The following TREM2 variants were observed in gnomAD, a reference collection of about 807,000 sequenced individuals.
The protein encoded by TREM2 is triggering receptor expressed on myeloid cells 2, also known as triggering receptor expressed on monocytes 2.
TREM2 carries 20 observed loss-of-function variants against 22.9 expected under a neutral mutation model. The ratio of observed to expected loss-of-function variants is 0.87; its 90% CI spans 0.61 to 1.27. TREM2 has a LOEUF of 1.27. TREM2 is among the 50% of genes most tolerant of loss of function. The pLI, the probability that TREM2 is intolerant of heterozygous loss-of-function variation, is 0.00. For synonymous variants in TREM2, 111 were observed against 120.9 expected, an observed-to-expected ratio of 0.92 and a Z score of 0.54; for missense variants, 267 against 289.0, an observed-to-expected ratio of 0.92 and a Z score of 0.55.
chr6:41,159,169 A>C (rs970319095), intron 3 of TREM2, 103 bp from the exon 4 acceptor site: 2 of 1,410,406 alleles, frequency 1.4e-6, no homozygotes, highest in Non-Finnish European at 2.0e-6. Context: ...GACCTCAGCA[A>C]ATCCCACCCA....
chr6:41,162,826 G>A (rs1254789499), intron 1 of TREM2, among the ~76,000 whole-genome samples: 2 of 152,238 alleles, frequency 1.3e-5, no homozygotes, highest in East Asian at 3.9e-4. Context: ...ATGTCCACAT[G>A]CAGAAAGAGT....
At chr6:41,160,576 C>T (rs1253779732) in intron 2 of TREM2, among the ~76,000 whole-genome samples, 4 of 152,026 alleles carry the variant, frequency 2.6e-5, no homozygotes, top group Non-Finnish European at 4.4e-5. Context: ...AAAGGAGACA[C>T]CCTGGCCCAC....
Position 41,158,649 on chromosome 6 carries a change from A to G in TREM2, c.*115T>C, listed in dbSNP as rs1765478063. On this transcript the variant is annotated 3_prime_UTR_variant, in exon 5 of 5. Coordinates refer to ENST00000373113, the MANE Select transcript of TREM2 (RefSeq NM_018965.4). ...GGTCCAGGAGAAGCAGTGTTCAGGC[A>G]GAGTAGTCTCTTGCCAGAGCAGAAC... The G allele has an allele frequency of 1.2e-6, 2 of 1,604,082 alleles. No individual in the cohort carries two copies. Among genetic ancestry groups the G allele is most frequent in the Non-Finnish European group, 1.7e-6 (2 of 1,174,946 alleles).
intron 2 of TREM2, 50 bp downstream of exon 2, chr6:41,161,213 A>G: frequency 6.4e-7 from 1 of 1,564,802 alleles, no homozygotes; most frequent in South Asian, 1.1e-5. Flanking sequence ...CGCCCAAAAC[A>G]TGAGGCCTGG....
intron 2 of TREM2, 143 bp from the exon 3 acceptor site, chr6:41,160,025 C>T: frequency 1.5e-6 from 1 of 687,634 alleles, no homozygotes; most frequent in Non-Finnish European, 2.6e-6. Context: ...CCATAAGCCT[C>T]AGTTTCCCCA....
In TREM2 at chr6:41,161,505, C is replaced by T. The variant is rs549402254; in HGVS notation, c.149G>A (p.Trp50Ter). 3 of 1,614,208 alleles carry T rather than the reference C, an allele frequency of 1.9e-6. No individual in the cohort carries two copies. Among genetic ancestry groups the T allele is most frequent in the Admixed American group, 3.3e-5 (2 of 60,034 alleles). ...SMKHWGRRKAWCRQLGEKGPC... is the reference protein window; with the variant it reads ...SMKHWGRRKA ...GCCCTTCTCTCCCAGCTGGCGGCAC[C>T]AGGCCTTGCGCCTCCCCCAGTGCTT... is the stretch of plus-strand genomic sequence containing the variant. Residue 50 changes from tryptophan to a stop codon, truncating the protein, a stop_gained, in exon 2 of 5, where the codon TGG (tryptophan) becomes TAG (stop). Transcript: ENST00000373113. LOFTEE classifies it high-confidence loss of function.
At chr6:41,162,005 A>G (rs1035288861) in intron 1 of TREM2, among the ~76,000 whole-genome samples, 2 of 152,022 alleles carry the variant, frequency 1.3e-5, no homozygotes, top group Non-Finnish European at 2.9e-5. Flanking sequence ...AGCCGCCCAC[A>G]TTGGTACCGA....
At chr6:41,162,824 AT>A (rs1765601880) in intron 1 of TREM2, among the ~76,000 whole-genome samples, 4 of 152,068 alleles carry the variant, frequency 2.6e-5, no homozygotes. Context: ...ACATGTCCAC[AT>A]GCAGAAAGAG....
At chr6:41,160,147 C>A (rs927346537) in intron 2 of TREM2, among the ~76,000 whole-genome samples, 1 of 152,136 alleles carries the variant, frequency 6.6e-6, no homozygotes, top group African/African-American at 2.4e-5. Flanking sequence ...AACTGCAATG[C>A]CCCCCTCCTT....
chr6:41,159,762 A>T, intron 3 of TREM2, 30 bp downstream of exon 3: 29 of 1,609,670 alleles, frequency 1.8e-5, no homozygotes, highest in Non-Finnish European at 2.5e-5. Flanking sequence ...AAGTCTGCCC[A>T]CGGGTTTTAG....
Position 41,158,917 on chromosome 6 carries a change from A to C in TREM2, c.632T>G (p.Leu211Arg). ...ATACCCTGGGTCATGGCCACAGTCC[A>C]GTTCACTGGGTGGATGTGTCCCTGG... is the stretch of plus-strand genomic sequence containing the variant. The part of the protein sequence containing the change: ...QKPGTHPPSE[L>R]DCGHDPGYQL... The change falls in exon 4 of 5, where the codon CTG (leucine) becomes CGG (arginine). Residue 211 changes from leucine to arginine, a missense_variant. Leu to Arg is a moderately radical substitution (Grantham distance 102). Coordinates refer to ENST00000373113, the MANE Select transcript of TREM2 (RefSeq NM_018965.4). 1.2e-6 allele frequency: 2 copies of C among 1,614,148 alleles called. No homozygotes were observed. Among genetic ancestry groups the C allele is most frequent in the Non-Finnish European group, 8.5e-7 (1 of 1,180,034 alleles).
At position 41,158,725 on chromosome 6, in the gene TREM2, G is replaced by A. The variant is rs752213350; in HGVS notation, c.*39C>T. The A allele has an allele frequency of 6.2e-7, 1 of 1,614,216 alleles. No individual in the cohort carries two copies. Among genetic ancestry groups the A allele is most frequent in the South Asian group, 1.1e-5 (1 of 91,082 alleles). The stretch of plus-strand genomic sequence containing the variant: ...AGTATGCAGGCTGGGCTGGTCCCTG[G>A]TGGGACTTCTCCTGGGCTTTTCCTC... On this transcript the variant is annotated 3_prime_UTR_variant, in exon 5 of 5. Coordinates refer to ENST00000373113, the MANE Select transcript of TREM2 (RefSeq NM_018965.4).
intron 2 of TREM2, among the ~76,000 whole-genome samples, chr6:41,160,877 T>C (rs1033587245): frequency 2.0e-4 from 30 of 152,166 alleles, no homozygotes; most frequent in African/African-American, 6.8e-4. Context: ...GGGAATAAAT[T>C]AATCTCCTCC....
rs1765556754 is a variant in TREM2, at chr6:41,161,288, C to T, written c.366G>A (p.Arg122=). 1 of 1,614,108 alleles carries T rather than the reference C, an allele frequency of 6.2e-7. No homozygotes were observed. The highest frequency in any genetic ancestry group is 8.5e-7 in the Non-Finnish European group (1 of 1,179,962). Residue 122 remains arginine (R), a synonymous_variant, in exon 2 of 5, where the codon AGG becomes AGA. Transcript: ENST00000373113. ...SLHGSEADTL[R]KVLVEVLADP... is the part of the protein sequence containing the mutation. ...CTGCCAGCACCTCCACCAGGACCTT[C>T]CTGAGGGTGTCAGCCTCACTGCCAT...
At chr6:41,162,918 G>A in intron 1 of TREM2, 125 bp downstream of exon 1, 1 of 1,241,582 alleles carries the variant, frequency 8.1e-7, no homozygotes. Flanking sequence ...GTGCAGAACA[G>A]GGCACTCAGG....
chr6:41,161,669 G>C, intron 1 of TREM2, 56 bp from the exon 2 acceptor site: 1 of 1,458,100 alleles, frequency 6.9e-7, no homozygotes, highest in Non-Finnish European at 9.4e-7. Flanking sequence ...TTGAACACTT[G>C]CTCTGTGCAG....
Position 41,158,586 on chromosome 6 carries a change from A to C in TREM2, c.*178T>G. On this transcript the variant is annotated 3_prime_UTR_variant, in exon 5 of 5. Coordinates refer to ENST00000373113, the MANE Select transcript of TREM2 (RefSeq NM_018965.4). ...TATTCAGAAGTTGTCAGGTGTTCTT[A>C]CCACCTCCCCACTCCCTCAACCAGT... 6.4e-7 allele frequency: 1 copy of C among 1,553,330 alleles called. No homozygotes were observed. The highest frequency in any genetic ancestry group is 8.7e-7 in the Non-Finnish European group (1 of 1,147,162).
In TREM2 at chr6:41,159,017, G is replaced by A. The variant is rs1368290241; in HGVS notation, c.532C>T (p.Leu178Phe). The change falls in exon 4 of 5, where the codon CTC becomes TTC. Residue 178 changes from leucine (L) to phenylalanine (F), a missense_variant. Physicochemically the swap from Leu to Phe is conservative, Grantham distance 22. Transcript: ENST00000373113. ...IPFPPTSILLLLACIFLIKIL... is the reference protein window; with the variant it reads ...IPFPPTSILLFLACIFLIKIL... ...TTGATGAGAAAGATGCAGGCCAGGA[G>A]GAGAAGGATGGAAGTGGGTGGGAAG... 4 of 1,614,200 alleles carry A rather than the reference G, an allele frequency of 2.5e-6. No homozygotes were observed. The highest frequency in any genetic ancestry group is 3.4e-6 in the Non-Finnish European group (4 of 1,180,026).
intron 3 of TREM2, among the ~76,000 whole-genome samples, chr6:41,159,326 C>G (rs1765499068): frequency 6.6e-6 from 1 of 152,180 alleles, no homozygotes; most frequent in Non-Finnish European, 1.5e-5. Flanking sequence ...GTATACAGTG[C>G]TATGCCATGG....
Sources: allele counts gnomAD v4.1 joint callset (sites outside exome capture counted in the v4.1 genomes callset), GRCh38; gene constraint gnomAD v4.1.1; transcripts MANE v1.5; gene names NCBI Gene and HGNC (gene_info 2026-07-23, HGNC 2026-07-21).